ZNF726: variants seen among roughly 807,000 people sequenced by gnomAD.
ZNF726 encodes zinc finger protein 726, also known as zinc finger protein 92 pseudogene 3.
ZNF726 carries 15 observed loss-of-function variants against 11.6 expected under a neutral mutation model. The ratio of observed to expected loss-of-function variants is 1.29; its 90% confidence interval spans 0.86 to 1.99. The LOEUF is 1.99. Ranked by LOEUF, ZNF726 falls within the 30% of genes most tolerant of loss-of-function variation. The pLI is 0.00. For synonymous variants in ZNF726, 295 were observed against 243.6 expected, an observed-to-expected ratio of 1.21 and a Z score of -1.96; for missense variants, 890 against 725.6, an observed-to-expected ratio of 1.23 and a Z score of -2.60.
downstream of ZNF726, among the ~76,000 whole-genome samples, chr19:23,936,946 A>C (rs1045420646): frequency 2.6e-5 from 4 of 151,862 alleles, no homozygotes; most frequent in African/African-American, 9.7e-5. Context: ...CATTGTCATC[A>C]TGGCCCGTTC....
intron 1 of ZNF726, chr19:23,919,162 T>TAA: frequency 1.6e-6 from 1 of 635,234 alleles, no homozygotes; most frequent in East Asian, 4.2e-5. Flanking sequence ...ATATATACAC[T>TAA]GATGTTCTGG....
At chr19:23,941,934 A>G (rs1296336129) in intron 3 of ZNF726, among the ~76,000 whole-genome samples, 1 of 151,224 alleles carries the variant, frequency 6.6e-6, no homozygotes, top group African/African-American at 2.4e-5. Context: ...TCTTTGTTTC[A>G]TTTACCTTTT....
rs760406660 is a variant in ZNF726 at position 23,933,446 on chromosome 19, A to G, written c.1330A>G (p.Lys444Glu). Residue 444 changes from lysine to glutamate, a missense_variant, in exon 4 of 4, where the codon AAG becomes GAG. Lys to Glu is a moderately conservative substitution (Grantham distance 56). Transcript: ENST00000594466. ...FIWSSNLTEHKKIHTREKPYK... is the reference protein window; with the variant it reads ...FIWSSNLTEHEKIHTREKPYK... ...ATGGTCCTCAAACCTTACTGAACAT[A>G]AGAAAATTCATACTAGAGAGAAACC... 47 of 1,612,526 alleles carry G rather than the reference A, an allele frequency of 2.9e-5. No homozygotes were observed. The highest frequency in any genetic ancestry group is 1.5e-4 in the Admixed American group (9 of 59,820).
At chr19:23,919,643 C>A (rs1967793324) in intron 2 of ZNF726, 144 bp downstream of exon 2, 1 of 1,074,520 alleles carries the variant, frequency 9.3e-7, no homozygotes, top group Admixed American at 3.3e-5. Context: ...AAAATTTCTT[C>A]AAGATGTTTC....
At chr19:23,937,335 C>T (rs1369472400), downstream of ZNF726, among the ~76,000 whole-genome samples, 3 of 151,880 alleles carry the variant, frequency 2.0e-5, no homozygotes, top group African/African-American at 7.2e-5. Context: ...GGAGACCCTC[C>T]TCACTTCCCA....
chr19:23,930,939 C>T (rs1468137466), intron 3 of ZNF726, among the ~76,000 whole-genome samples: 2 of 152,136 alleles, frequency 1.3e-5, no homozygotes, highest in Non-Finnish European at 2.9e-5. Context: ...AAAGCTAAAT[C>T]TTAATACGTA....
At chr19:23,930,877 A>G (rs771379568) in intron 3 of ZNF726, among the ~76,000 whole-genome samples, 3 of 152,246 alleles carry the variant, frequency 2.0e-5, no homozygotes, top group Non-Finnish European at 4.4e-5. Flanking sequence ...CAGTTTAGTC[A>G]TATTGTCTTG....
Position 23,933,565 on chromosome 19 carries a change from T to C in ZNF726, c.1449T>C (p.Cys483=), listed in dbSNP as rs1294710611. 1 of 1,612,110 alleles carries C rather than the reference T, an allele frequency of 6.2e-7. No homozygotes were observed. Among genetic ancestry groups the C allele is most frequent in the Non-Finnish European group, 8.5e-7 (1 of 1,179,378 alleles). ...RMHTGEKPYK[C]EECGKAFSQS... ...ACACTGGAGAGAAACCCTACAAATG[T>C]GAAGAATGTGGCAAAGCTTTTAGCC... Residue 483 remains cysteine (C), a synonymous_variant, in exon 4 of 4, where the codon TGT becomes TGC. Transcript: ENST00000594466.
chr19:23,935,561 C>T (rs1968216459), downstream of ZNF726: 1 of 335,894 alleles, frequency 3.0e-6, no homozygotes, highest in South Asian at 2.5e-5. Flanking sequence ...GAAAGATGTG[C>T]CCAGTGCCTT....
At position 23,919,444 on chromosome 19, in the gene ZNF726, G is replaced by A. The variant is rs571641490; in HGVS notation, c.75G>A (p.Gln25=). 8.7e-6 allele frequency: 14 copies of A among 1,607,958 alleles called. No homozygotes were observed. In the African/African-American group the frequency reaches 1.5e-4, roughly 17 times the overall value. ...LEEWQCLDTA[Q]KNLYRNVMLE... is the part of the protein sequence containing the mutation. The stretch of plus-strand genomic sequence containing the variant: ...AGTGGCAGTGCCTGGACACTGCACA[G>A]AAGAATTTATATAGGAATGTGATGT... Residue 25 remains glutamine, a synonymous_variant, in exon 2 of 4, where the codon CAG becomes CAA. Transcript: ENST00000594466.
At chr19:23,938,298 G>T (rs777585714), downstream of ZNF726, among the ~76,000 whole-genome samples, 2 of 152,008 alleles carry the variant, frequency 1.3e-5, no homozygotes, top group Non-Finnish European at 1.5e-5. Flanking sequence ...TATAATCTTA[G>T]ATGTAAATAA....
At chr19:23,931,254 GAGCCACCGCTCCCC>G (rs1968098582) in intron 3 of ZNF726, among the ~76,000 whole-genome samples, 1 of 152,198 alleles carries the variant, frequency 6.6e-6, no homozygotes, top group Admixed American at 6.5e-5. Context: ...TTACAGGCAT[GAGCCACCGCTCCCC>G]AGCCAAAACC....
Position 23,920,094 on chromosome 19 carries a change from T to A in ZNF726, c.226+12T>A. ...GGATGAACCCCCAGGTAGGTGAGAG[T>A]GAATACAACAGATGACCTGGATGAG... On this transcript the variant is annotated intron_variant, in intron 3 of 3. Coordinates refer to ENST00000594466, the MANE Select transcript of ZNF726 (RefSeq NM_001244038.2). 6.4e-7 allele frequency: 1 copy of A among 1,555,904 alleles called. No individual in the cohort carries two copies. The highest frequency in any genetic ancestry group is 8.8e-7 in the Non-Finnish European group (1 of 1,140,694).
intron 3 of ZNF726, among the ~76,000 whole-genome samples, chr19:23,922,805 T>C (rs1967884701): frequency 6.6e-6 from 1 of 152,178 alleles, no homozygotes; most frequent in Non-Finnish European, 1.5e-5. Flanking sequence ...AACTGTAATG[T>C]ACCATGTAGT....
chr19:23,943,284 G>C (rs994195121), intron 3 of ZNF726, among the ~76,000 whole-genome samples: 12 of 152,288 alleles, frequency 7.9e-5, no homozygotes, highest in African/African-American at 2.6e-4. Context: ...CAATATCCAG[G>C]ACCAATTTTA....
chr19:23,932,902 TG>T lies in ZNF726; in HGVS notation c.788del (p.Gly263AlafsTer10). 3.1e-6 allele frequency: 5 copies of T among 1,610,140 alleles called. No homozygotes were observed. Among genetic ancestry groups the T allele is most frequent in the Non-Finnish European group, 3.4e-6 (4 of 1,178,734 alleles). On this transcript the variant is annotated frameshift_variant, in exon 4 of 4. Transcript: ENST00000594466. LOFTEE classifies it low-confidence loss of function (END_TRUNC). ...AGAAGCCTTACAAGTGTGAAGAATG[TG>T]GCAAAGCATTTAGCCAATCCTCAAC... The part of the protein sequence containing the change: ...GEKPYKCEEC[G>X]KAFSQSSTLT...
At chr19:23,927,041 T>C (rs1445579192) in intron 3 of ZNF726, among the ~76,000 whole-genome samples, 1 of 151,826 alleles carries the variant, frequency 6.6e-6, no homozygotes, top group African/African-American at 2.4e-5. Context: ...GCAGTGGCAC[T>C]ATCTCGGCTC....
chr19:23,918,965 A>G (rs1967772611), intron 1 of ZNF726: 1 of 177,686 alleles, frequency 5.6e-6, no homozygotes. Flanking sequence ...CGAGATGTCC[A>G]GTTTATTGTA....
Position 23,932,540 on chromosome 19 carries a change from G to A in ZNF726, c.424G>A (p.Gly142Ser), listed in dbSNP as rs762238689. 2 of 1,590,182 alleles carry A rather than the reference G, an allele frequency of 1.3e-6. No individual in the cohort carries two copies. Among genetic ancestry groups the A allele is most frequent in the Admixed American group, 3.6e-5 (2 of 55,304 alleles). Reference protein sequence around the residue: ...GLNQCFTTTQGKASQCGKYLK... With the variant: ...GLNQCFTTTQSKASQCGKYLK... ...TAACCAGTGTTTCACAACTACCCAG[G>A]GCAAAGCTTCTCAATGTGGTAAATA... Residue 142 changes from glycine (G) to serine (S), a missense_variant, in exon 4 of 4, where the codon GGC (glycine) becomes AGC (serine). Physicochemically the swap from Gly to Ser is moderately conservative, Grantham distance 56. Coordinates refer to ENST00000594466, the MANE Select transcript of ZNF726 (RefSeq NM_001244038.2).
Sources: allele counts gnomAD v4.1 joint callset (sites outside exome capture counted in the v4.1 genomes callset), GRCh38; gene constraint gnomAD v4.1.1; transcripts MANE v1.5; gene names NCBI Gene and HGNC (gene_info 2026-07-23, HGNC 2026-07-21).